The following SH3BGRL2 variants were observed in gnomAD, a reference collection of about 807,000 sequenced individuals.
The protein encoded by SH3BGRL2 is SH3 domain binding glutamate rich protein like 2, also known as SH3 domain-binding glutamic acid-rich-like protein 2.
A neutral mutation model predicts 14.8 loss-of-function variants in SH3BGRL2; 21 were observed. That is an observed-to-expected ratio of 1.42 (90% confidence interval 1.01 to 2.05). SH3BGRL2 has a LOEUF of 2.05. Among genes scored for constraint, SH3BGRL2 ranks in the 30% most tolerant of loss-of-function variants. SH3BGRL2 has a pLI of 0.00. For synonymous variants in SH3BGRL2, 50 were observed against 47.8 expected, an observed-to-expected ratio of 1.05 and a Z score of -0.19; for missense variants, 147 against 130.8, an observed-to-expected ratio of 1.12 and a Z score of -0.61.
At chr6:79,626,117 A>G in the SH3BGRL2 span, among the ~76,000 whole-genome samples, 6 of 152,180 alleles carry the variant, frequency 3.9e-5, no homozygotes, top group African/African-American at 1.4e-4. Flanking sequence ...ATTCAATTCC[A>G]TTCTAAAATT....
At position 79,673,792 on chromosome 6, in the gene SH3BGRL2, A is replaced by G. The variant is rs2127733442; in HGVS notation, c.224A>G (p.Tyr75Cys). Reference protein sequence around the residue: ...LPPQIFNGDRYCGDYDSFFES... With the variant: ...LPPQIFNGDRCCGDYDSFFES... ...CCTCAGATATTTAATGGCGACCGAT[A>G]CTGTGGAGTAAGTGGCTAGACTGTT... The change falls in exon 2 of 4, where the codon TAC becomes TGC. Residue 75 changes from tyrosine (Y) to cysteine (C), a missense_variant. Tyr to Cys is a radical substitution (Grantham distance 194). Coordinates refer to ENST00000369838, the MANE Select transcript of SH3BGRL2 (RefSeq NM_031469.4). 1 of 1,613,508 alleles carries G rather than the reference A, an allele frequency of 6.2e-7. No individual in the cohort carries two copies. Among genetic ancestry groups the G allele is most frequent in the East Asian group, 2.2e-5 (1 of 44,868 alleles).
intron 1 of SH3BGRL2, among the ~76,000 whole-genome samples, chr6:79,640,645 C>G (rs1769012364): frequency 6.6e-6 from 1 of 151,468 alleles, no homozygotes; most frequent in African/African-American, 2.4e-5. Context: ...TGGAGCTGAC[C>G]CCTGAAGTGG....
chr6:79,612,846 A>C, the SH3BGRL2 span, among the ~76,000 whole-genome samples: 1 of 152,208 alleles, frequency 6.6e-6, no homozygotes, highest in Admixed American at 6.5e-5. Flanking sequence ...ACAGAACCAG[A>C]CTATGTCTAC....
At chr6:79,544,549 T>C in the SH3BGRL2 span, among the ~76,000 whole-genome samples, 2 of 152,216 alleles carry the variant, frequency 1.3e-5, no homozygotes, top group Non-Finnish European at 2.9e-5. Context: ...AATCATAGCT[T>C]CCCCAGAGCC....
At chr6:79,539,215 A>G in the SH3BGRL2 span, among the ~76,000 whole-genome samples, 1 of 152,226 alleles carries the variant, frequency 6.6e-6, no homozygotes, top group African/African-American at 2.4e-5. Context: ...TTATTGAATT[A>G]CCATTTTAAA....
In SH3BGRL2 at chr6:79,702,408, T is replaced by C. The variant is rs886884130; in HGVS notation, c.*2899T>C. Reference sequence around the variant, plus strand: ...GGCTGCACTTTGCTCCATATAATTATTGTTTTCAGATTTCAACTTGTATGT... The same window carrying C: ...GGCTGCACTTTGCTCCATATAATTACTGTTTTCAGATTTCAACTTGTATGT... On this transcript the variant is annotated 3_prime_UTR_variant, in exon 4 of 4. Coordinates refer to ENST00000369838, the MANE Select transcript of SH3BGRL2 (RefSeq NM_031469.4). 2.0e-5 allele frequency: 3 copies of C among 152,622 alleles called. No individual in the cohort carries two copies. Among genetic ancestry groups the C allele is most frequent in the African/African-American group, 7.2e-5 (3 of 41,448 alleles). The allele number at this position is 152,622 out of a possible 1,614,324, so 9.5% of individuals were successfully genotyped here.
chr6:79,702,112 C>T lies in SH3BGRL2; in HGVS notation c.*2603C>T, dbSNP rs56270126. ...GGAAAATACTTGTTTTTCCAAATTC[C>T]GGTGTTTTATTACAATCAAAGAAGA... On this transcript the variant is annotated 3_prime_UTR_variant, in exon 4 of 4. Coordinates refer to ENST00000369838, the MANE Select transcript of SH3BGRL2 (RefSeq NM_031469.4). 290 of 152,506 alleles carry T rather than the reference C, an allele frequency of 1.9e-3. 1 individual carries two copies. Among genetic ancestry groups the T allele is most frequent in the African/African-American group, 6.7e-3 (278 of 41,496 alleles). The allele number at this position is 152,506 out of a possible 1,614,324, so 9.4% of individuals were successfully genotyped here. A position where few individuals can be genotyped will look rare whatever the true frequency, so the allele number is the denominator to read the frequency against.
At chr6:79,663,209 C>G (rs779630942) in intron 1 of SH3BGRL2, among the ~76,000 whole-genome samples, 1 of 152,144 alleles carries the variant, frequency 6.6e-6, no homozygotes, top group Non-Finnish European at 1.5e-5. Flanking sequence ...GGACTGCCAT[C>G]CTTTGGAGAA....
chr6:79,597,515 G>C, the SH3BGRL2 span, among the ~76,000 whole-genome samples: 1 of 151,954 alleles, frequency 6.6e-6, no homozygotes, highest in Non-Finnish European at 1.5e-5. Context: ...ATAATTCAAC[G>C]AGAAAAAAAT....
chr6:79,559,066 G>A, the SH3BGRL2 span, among the ~76,000 whole-genome samples: 1 of 152,040 alleles, frequency 6.6e-6, no homozygotes, highest in Non-Finnish European at 1.5e-5. Flanking sequence ...TGAAAAGGCC[G>A]GCACAGTGGC....
intron 1 of SH3BGRL2, among the ~76,000 whole-genome samples, chr6:79,660,773 C>A (rs1554202881): frequency 6.6e-6 from 1 of 152,076 alleles, no homozygotes; most frequent in Non-Finnish European, 1.5e-5. Flanking sequence ...TGGTCCTGGA[C>A]TTTTTTTGGT....
the SH3BGRL2 span, among the ~76,000 whole-genome samples, chr6:79,612,165 G>T: frequency 6.6e-6 from 1 of 152,056 alleles, no homozygotes; most frequent in Admixed American, 6.6e-5. Context: ...GGCGTGGTGG[G>T]GTTGGGGGGC....
At chr6:79,562,734 T>C in the SH3BGRL2 span, among the ~76,000 whole-genome samples, 2 of 152,214 alleles carry the variant, frequency 1.3e-5, no homozygotes, top group Admixed American at 6.5e-5. Flanking sequence ...CTGGGCCACA[T>C]TGGAAGAAGA....
rs2127741471 is a variant in SH3BGRL2 at position 79,701,860 on chromosome 6, A to C, written c.*2351A>C. The C allele has an allele frequency of 6.5e-6, 1 of 152,716 alleles. No individual in the cohort carries two copies. The highest frequency in any genetic ancestry group is 1.5e-5 in the Non-Finnish European group (1 of 68,032). The allele number at this position is 152,716 out of a possible 1,614,324, so 9.5% of individuals were successfully genotyped here. A position where few individuals can be genotyped will look rare whatever the true frequency, so the allele number is the denominator to read the frequency against. ...TTCCCTTCTTTAACTAGCTGCCTTT[A>C]GATTTTGATAATCACAGTCTTAAAA... On this transcript the variant is annotated 3_prime_UTR_variant, in exon 4 of 4. Coordinates refer to ENST00000369838, the MANE Select transcript of SH3BGRL2 (RefSeq NM_031469.4).
At chr6:79,647,508 T>G (rs1769167935) in intron 1 of SH3BGRL2, among the ~76,000 whole-genome samples, 1 of 152,162 alleles carries the variant, frequency 6.6e-6, no homozygotes, top group South Asian at 2.1e-4. Flanking sequence ...ATGTTCAGGA[T>G]GCAGAATGAG....
intron 2 of SH3BGRL2, among the ~76,000 whole-genome samples, chr6:79,686,725 A>G (rs1770105400): frequency 6.6e-6 from 1 of 152,084 alleles, no homozygotes; most frequent in Admixed American, 6.6e-5. Flanking sequence ...GTTCTCCAGC[A>G]TTAGTTCTAG....
intron 2 of SH3BGRL2, among the ~76,000 whole-genome samples, chr6:79,691,576 A>G (rs999379485): frequency 1.4e-5 from 2 of 143,880 alleles, no homozygotes; most frequent in Non-Finnish European, 3.0e-5. Context: ...TCATTGTTCA[A>G]TTCCCACCTA....
intron 1 of SH3BGRL2, among the ~76,000 whole-genome samples, chr6:79,669,656 G>A (rs1257917503): frequency 6.6e-6 from 1 of 151,950 alleles, no homozygotes; most frequent in East Asian, 1.9e-4. Flanking sequence ...TGTTGATCAG[G>A]CTGGTCTCAA....
At chr6:79,606,723 T>G in the SH3BGRL2 span, among the ~76,000 whole-genome samples, 2 of 152,216 alleles carry the variant, frequency 1.3e-5, no homozygotes, top group Non-Finnish European at 2.9e-5. Flanking sequence ...AATTAACAAT[T>G]TTTGTGATTT....
Sources: allele counts gnomAD v4.1 joint callset (sites outside exome capture counted in the v4.1 genomes callset), GRCh38; gene constraint gnomAD v4.1.1; transcripts MANE v1.5; gene names NCBI Gene and HGNC (gene_info 2026-07-23, HGNC 2026-07-21).